EML1: variants seen among roughly 807,000 people sequenced by gnomAD.
EML1 encodes echinoderm microtubule-associated protein-like 1.
EML1 carries 27 observed loss-of-function variants against 110.4 expected under a neutral mutation model. The observed-to-expected ratio is 0.24, with a 90% CI of 0.18 to 0.34. The LOEUF (loss-of-function observed/expected upper bound fraction) is 0.34, where lower values mean the gene tolerates loss of function less well. Among genes scored for constraint, EML1 ranks in the 10% least tolerant of loss-of-function variants. EML1 has a pLI of 1.00. For synonymous variants in EML1, 344 were observed against 385.8 expected (o/e 0.89, Z 1.27); for missense variants, 741 against 1,030.9 (o/e 0.72, Z 3.85).
chr14:99,818,220 A>C (rs2058201908), intron 1 of EML1, among the ~76,000 whole-genome samples: 1 of 152,156 alleles, frequency 6.6e-6, no homozygotes, highest in South Asian at 2.1e-4. Context: ...AGGTGATCAA[A>C]TCTGCACTTT....
At chr14:99,764,395 G>C (rs2057346503) in intron 1 of EML1, among the ~76,000 whole-genome samples, 1 of 152,244 alleles carries the variant, frequency 6.6e-6, no homozygotes, top group East Asian at 1.9e-4. Flanking sequence ...CAGCTGCCCT[G>C]TTCAGCCTCC....
At chr14:99,834,649 GT>G (rs1459959422) in intron 1 of EML1, among the ~76,000 whole-genome samples, 5 of 152,008 alleles carry the variant, frequency 3.3e-5, no homozygotes, top group Non-Finnish European at 4.4e-5. Flanking sequence ...TTTGTAATGT[GT>G]TTGTCTGATT....
intron 2 of EML1, among the ~76,000 whole-genome samples, chr14:99,861,884 CCT>C (rs1031680139): frequency 1.3e-5 from 2 of 152,252 alleles, no homozygotes; most frequent in African/African-American, 4.8e-5. Context: ...CCCAGTTTCC[CCT>C]GTTATTACCG....
intron 3 of EML1, among the ~76,000 whole-genome samples, chr14:99,871,901 G>A (rs181745037): frequency 6.6e-5 from 10 of 152,182 alleles, no homozygotes; most frequent in South Asian, 4.1e-4. Context: ...TGGCTGGAGC[G>A]TGGGGAACGT....
At chr14:99,869,127 AT>A (rs1326914673) in intron 3 of EML1, among the ~76,000 whole-genome samples, 1 of 152,104 alleles carries the variant, frequency 6.6e-6, no homozygotes, top group Admixed American at 6.5e-5. Flanking sequence ...TGCATGCCTC[AT>A]TTTATTGTGT....
chr14:99,754,957 A>C (rs989018295), intron 1 of EML1, among the ~76,000 whole-genome samples: 5 of 152,238 alleles, frequency 3.3e-5, no homozygotes, highest in Non-Finnish European at 5.9e-5. Flanking sequence ...GGCCGTGAGG[A>C]AAAGCTGTAA....
intron 14 of EML1, 74 bp downstream of exon 14, chr14:99,914,378 T>C (rs1340404455): frequency 1.3e-6 from 2 of 1,570,156 alleles, no homozygotes; most frequent in Non-Finnish European, 1.7e-6. Flanking sequence ...AGCATTACAA[T>C]CAGGTGCTTT....
intron 17 of EML1, among the ~76,000 whole-genome samples, chr14:99,926,037 G>C (rs543929291): frequency 6.6e-6 from 1 of 152,216 alleles, no homozygotes; most frequent in African/African-American, 2.4e-5. Context: ...CAGCTGCTGC[G>C]AAGGAGTGAG....
At chr14:99,903,285 G>A (rs993610642) in intron 9 of EML1, among the ~76,000 whole-genome samples, 3 of 152,144 alleles carry the variant, frequency 2.0e-5, no homozygotes, top group African/African-American at 7.2e-5. Flanking sequence ...TGTTCTGCTT[G>A]ATATTCAGGA....
rs2059642863 is a variant in EML1, at chr14:99,894,651, T to G, written c.570T>G (p.Phe190Leu). The G allele has an allele frequency of 1.9e-6, 3 of 1,612,804 alleles. No individual in the cohort carries two copies. The highest frequency in any genetic ancestry group is 1.7e-5 in the Admixed American group (1 of 59,734). Residue 190 changes from phenylalanine (F) to leucine (L), a missense_variant, in exon 6 of 22, where the codon TTT becomes TTG. Physicochemically the swap from Phe to Leu is conservative, Grantham distance 22. Transcript: ENST00000262233. ...TAGAAGAAGGCTATGTAAAAATGTT[T>G]CTTCGTGGACGCCCTGTTACCATGT... ...FSAEEGYVKM[F>L]LRGRPVTMYM...
intron 1 of EML1, chr14:99,809,458 C>G (rs1390189264): frequency 3.0e-6 from 1 of 331,776 alleles, no homozygotes; most frequent in African/African-American, 2.2e-5. Flanking sequence ...TCCATTCTGG[C>G]TGAAGTAAGG....
At chr14:99,791,337 A>G (rs559158237), upstream of EML1, among the ~76,000 whole-genome samples, 4 of 152,286 alleles carry the variant, frequency 2.6e-5, no homozygotes, top group South Asian at 8.3e-4. Flanking sequence ...GCAAATGCCC[A>G]CTGGAAGCTT....
intron 1 of EML1, among the ~76,000 whole-genome samples, chr14:99,739,755 G>A (rs1298723813): frequency 6.6e-6 from 1 of 152,206 alleles, no homozygotes; most frequent in East Asian, 1.9e-4. Context: ...GGGTCTTCTG[G>A]AGCACACAGT....
At chr14:99,782,349 T>TAC (rs2140216892) in intron 1 of EML1, among the ~76,000 whole-genome samples, 1 of 152,282 alleles carries the variant, frequency 6.6e-6, no homozygotes, top group African/African-American at 2.4e-5. Flanking sequence ...GTGCAGGCAG[T>TAC]ACCAGCTAGG....
chr14:99,760,515 C>T (rs535023202), intron 1 of EML1, among the ~76,000 whole-genome samples: 52 of 152,278 alleles, frequency 3.4e-4, no homozygotes, highest in African/African-American at 1.2e-3. Flanking sequence ...TTAGAACGCA[C>T]CGTTCAAAGG....
chr14:99,864,100 A>G (rs2059050584), intron 2 of EML1, among the ~76,000 whole-genome samples: 1 of 152,244 alleles, frequency 6.6e-6, no homozygotes. Context: ...GACGTTGAGC[A>G]TCTTTTCATA....
intron 1 of EML1, among the ~76,000 whole-genome samples, chr14:99,848,222 T>A (rs2058735846): frequency 6.6e-6 from 1 of 152,216 alleles, no homozygotes; most frequent in Non-Finnish European, 1.5e-5. Flanking sequence ...AATATACATC[T>A]GTGACTTTTC....
intron 2 of EML1, among the ~76,000 whole-genome samples, chr14:99,859,480 C>A (rs2058963160): frequency 6.6e-6 from 1 of 152,164 alleles, no homozygotes; most frequent in South Asian, 2.1e-4. Context: ...CAACAGATTT[C>A]AGAGTGGGAA....
intron 1 of EML1, chr14:99,737,942 C>T (rs2056988939): frequency 4.8e-6 from 6 of 1,255,408 alleles, no homozygotes; most frequent in East Asian, 5.8e-5. Context: ...CTGGGGCCCC[C>T]GCAGGCTGCA....
Sources: gnomAD v4.1 joint callset for allele counts (sites outside exome capture counted in the v4.1 genomes callset) on GRCh38, gnomAD v4.1.1 for gene constraint, MANE v1.5 for transcripts, NCBI Gene and HGNC (gene_info 2026-07-23, HGNC 2026-07-21) for gene names.